TRIM71: variants seen among roughly 807,000 people sequenced by gnomAD.
TRIM71 encodes E3 ubiquitin-protein ligase TRIM71.
A neutral mutation model predicts 61.2 loss-of-function variants in TRIM71; 9 were observed. That is an observed-to-expected ratio of 0.15 (90% CI 0.09 to 0.26). TRIM71 has a LOEUF of 0.26. Among genes scored for constraint, TRIM71 ranks in the 10% least tolerant of loss-of-function variants. The probability of loss-of-function intolerance (pLI) is 1.00; values close to 1 mark genes in which losing one functional copy is unlikely to be tolerated. For synonymous variants in TRIM71, 645 were observed against 553.2 expected (o/e 1.17, Z -2.33); for missense variants, 998 against 1,238.7 (o/e 0.81, Z 2.92).
chr3:32,828,997 A>AT (rs747345127), intron 1 of TRIM71, among the ~76,000 whole-genome samples: 10,740 of 138,628 alleles, frequency 0.077, 518 homozygotes, highest in Admixed American at 0.12. Context: ...GAAAGCACTA[A>AT]TTTTTTTTTT....
At chr3:32,889,079 A>G (rs527647879) in intron 3 of TRIM71, among the ~76,000 whole-genome samples, 1 of 152,228 alleles carries the variant, frequency 6.6e-6, no homozygotes, top group Admixed American at 6.5e-5. Flanking sequence ...TTTAACACCT[A>G]TCACTATCTG....
At chr3:32,868,787 C>CCT (rs1696767267) in intron 1 of TRIM71, among the ~76,000 whole-genome samples, 1 of 152,004 alleles carries the variant, frequency 6.6e-6, no homozygotes. Flanking sequence ...AACACTCCCT[C>CCT]CTCATACTCC....
chr3:32,866,963 CAG>C (rs1187814473), intron 1 of TRIM71, among the ~76,000 whole-genome samples: 1 of 152,198 alleles, frequency 6.6e-6, no homozygotes, highest in Non-Finnish European at 1.5e-5. Flanking sequence ...CAAGTGCTAA[CAG>C]ATGACATTTT....
intron 2 of TRIM71, among the ~76,000 whole-genome samples, chr3:32,874,896 G>T (rs181683998): frequency 1.7e-4 from 26 of 149,910 alleles, no homozygotes; most frequent in African/African-American, 5.6e-4. Flanking sequence ...TATCAGCTCA[G>T]TGCAACCTCC....
chr3:32,844,694 C>T (rs1344546481), intron 1 of TRIM71, among the ~76,000 whole-genome samples: 1 of 152,090 alleles, frequency 6.6e-6, no homozygotes, highest in Non-Finnish European at 1.5e-5. Flanking sequence ...ATCAGATGCC[C>T]TGGTGGGTTT....
rs1697012602 is a variant in TRIM71 at position 32,890,499 on chromosome 3, T to C, written c.1295T>C (p.Leu432Pro). 6.2e-7 allele frequency: 1 copy of C among 1,614,174 alleles called. No individual in the cohort carries two copies. The highest frequency in any genetic ancestry group is 1.1e-5 in the South Asian group (1 of 91,080). Residue 432 changes from leucine to proline, a missense_variant, in exon 4 of 4, where the codon CTG becomes CCG. By Grantham distance (98) the Leu-to-Pro change is moderately conservative. Transcript: ENST00000383763. The surrounding 1 kb of genome is among the most constrained non-coding windows in gnomAD (Gnocchi z 6.2). Reference sequence around the variant, plus strand: ...GAGGGTAGAGCGCTAGACATCCTACTGGCCCGAGACCGGATGCTGGCCCAG... The same window carrying C: ...GAGGGTAGAGCGCTAGACATCCTACCGGCCCGAGACCGGATGCTGGCCCAG... ...LEEGRALDILLARDRMLAQVQ... is the reference protein window; with the variant it reads ...LEEGRALDILPARDRMLAQVQ...
At chr3:32,856,049 G>A (rs374682061) in intron 1 of TRIM71, among the ~76,000 whole-genome samples, 5 of 152,054 alleles carry the variant, frequency 3.3e-5, no homozygotes, top group South Asian at 4.2e-4. Flanking sequence ...ACGGAGTCTC[G>A]CTCTGTCACT....
rs565785702 is a variant in TRIM71 at position 32,834,559 on chromosome 3, T to C, written c.852+15627T>C. 9.2e-5 allele frequency among the ~76,000 whole-genome samples: 14 copies of C among 152,268 alleles called. No individual in the cohort carries two copies. In the South Asian group the frequency reaches 2.5e-3, roughly 27 times the overall value. ...ACTTCTAGTATAGCCAGTTTTAAAG[T>C]TGGAAAACGAACATTTCATTTTCTT... On this transcript the variant is annotated intron_variant, in intron 1 of 3. Coordinates refer to ENST00000383763, the MANE Select transcript of TRIM71 (RefSeq NM_001039111.3).
chr3:32,888,107 G>A (rs1696980690), intron 3 of TRIM71, among the ~76,000 whole-genome samples: 1 of 152,116 alleles, frequency 6.6e-6, no homozygotes, highest in Non-Finnish European at 1.5e-5. Context: ...TTTCTAAATA[G>A]CATGGTTTGA....
chr3:32,877,014 G>A (rs1696858150), intron 2 of TRIM71, among the ~76,000 whole-genome samples: 2 of 151,932 alleles, frequency 1.3e-5, no homozygotes, highest in Admixed American at 6.6e-5. Context: ...GGCATTTTGG[G>A]TAGAGGCATT....
At chr3:32,874,453 C>T (rs999731991) in intron 2 of TRIM71, among the ~76,000 whole-genome samples, 7 of 151,416 alleles carry the variant, frequency 4.6e-5, no homozygotes, top group Non-Finnish European at 7.4e-5. Context: ...ACCTCCACCT[C>T]CCGGATTCAA....
Position 32,861,784 on chromosome 3 carries a change from T to A in TRIM71, c.853-12034T>A, listed in dbSNP as rs1212154407. Reference sequence around the variant, plus strand: ...ATACTCTCCTTGACAGGTGCAGTTTTGGGGAATGCCATAGAAGAGCCCAGA... The same window carrying A: ...ATACTCTCCTTGACAGGTGCAGTTTAGGGGAATGCCATAGAAGAGCCCAGA... On this transcript the variant is annotated intron_variant, in intron 1 of 3. Coordinates refer to ENST00000383763, the MANE Select transcript of TRIM71 (RefSeq NM_001039111.3). Among the ~76,000 whole-genome samples, 5 of 152,080 alleles carry A rather than the reference T, an allele frequency of 3.3e-5. No individual in the cohort carries two copies. In the South Asian group the frequency reaches 6.2e-4, roughly 19 times the overall value.
At chr3:32,869,096 G>T (rs962440000) in intron 1 of TRIM71, among the ~76,000 whole-genome samples, 1 of 152,172 alleles carries the variant, frequency 6.6e-6, no homozygotes, top group Admixed American at 6.5e-5. Context: ...CGAATCTTGT[G>T]TTGTCCCACG....
Position 32,850,017 on chromosome 3 carries a change from T to C in TRIM71, c.853-23801T>C, listed in dbSNP as rs76012962. 7.6e-3 allele frequency among the ~76,000 whole-genome samples: 1,155 copies of C among 152,340 alleles called. 25 individuals carry two copies. The highest frequency in any genetic ancestry group is 0.026 in the African/African-American group (1,096 of 41,574). On this transcript the variant is annotated intron_variant, in intron 1 of 3. Coordinates refer to ENST00000383763, the MANE Select transcript of TRIM71 (RefSeq NM_001039111.3). ...AAGCAAGATAGTCATCTGTTAATTA[T>C]GTATTGCCAAAAATGAAACAAAACC...
At chr3:32,831,905 G>A (rs1022248876) in intron 1 of TRIM71, among the ~76,000 whole-genome samples, 1 of 152,046 alleles carries the variant, frequency 6.6e-6, no homozygotes, top group African/African-American at 2.4e-5. Flanking sequence ...AAATAACTTG[G>A]GCAGTTCCTC....
intron 1 of TRIM71, among the ~76,000 whole-genome samples, chr3:32,866,898 A>T (rs1341565499): frequency 6.6e-6 from 1 of 152,198 alleles, no homozygotes; most frequent in Admixed American, 6.5e-5. Context: ...AAAGAAAATT[A>T]GGGAAGAAGG....
rs1697095372 is a variant in TRIM71, at chr3:32,897,730, T to A, written c.*5919T>A. 6.6e-6 allele frequency: 1 copy of A among 152,200 alleles called. No homozygotes were observed. The highest frequency in any genetic ancestry group is 1.5e-5 in the Non-Finnish European group (1 of 68,036). The allele number at this position is 152,200 out of a possible 1,614,324, so 9.4% of individuals were successfully genotyped here. A position where few individuals can be genotyped will look rare whatever the true frequency, so the allele number is the denominator to read the frequency against. On this transcript the variant is annotated 3_prime_UTR_variant, in exon 4 of 4. Transcript: ENST00000383763. ...GATGCTGTATCAGCTACTACAGCCT[T>A]AAAACAAAGTTGGTGTCTCTTTGGA...
At chr3:32,872,478 C>T (rs1159900828) in intron 1 of TRIM71, among the ~76,000 whole-genome samples, 1 of 152,162 alleles carries the variant, frequency 6.6e-6, no homozygotes, top group Non-Finnish European at 1.5e-5. Context: ...CTGTTTGCCC[C>T]CAGCCCTCTC....
At chr3:32,849,125 A>G (rs919784190) in intron 1 of TRIM71, among the ~76,000 whole-genome samples, 1 of 152,212 alleles carries the variant, frequency 6.6e-6, no homozygotes, top group Admixed American at 6.5e-5. Context: ...CTGCAAGTGA[A>G]TTTAAAAAGC....
Sources: allele counts gnomAD v4.1 joint callset (sites outside exome capture counted in the v4.1 genomes callset), GRCh38; gene constraint gnomAD v4.1.1; non-coding constraint Gnocchi (gnomAD v3.1); transcripts MANE v1.5; gene names NCBI Gene and HGNC (gene_info 2026-07-23, HGNC 2026-07-21).